Variants in BBX observed in about 807,000 individuals in gnomAD.
BBX encodes BBX high mobility group box domain containing.
Under a neutral mutation model 100.2 loss-of-function variants are expected in BBX, and 30 were observed. That is an observed-to-expected ratio of 0.30 (90% CI 0.22 to 0.41). The LOEUF is 0.41. Ranked by LOEUF, BBX falls within the 10% of genes least tolerant of loss-of-function variation. The probability of loss-of-function intolerance (pLI) is 1.00; values close to 1 mark genes in which losing one functional copy is unlikely to be tolerated. For synonymous variants in BBX, 376 were observed against 388.1 expected, an observed-to-expected ratio of 0.97 and a Z score of 0.37; for missense variants, 1,023 against 1,129.8, an observed-to-expected ratio of 0.91 and a Z score of 1.35.
intron 5 of BBX, among the ~76,000 whole-genome samples, chr3:107,723,320 T>A (rs1013127453): frequency 1.3e-5 from 2 of 152,084 alleles, no homozygotes; most frequent in African/African-American, 4.8e-5. Context: ...CTATCTTTTA[T>A]TAAAATTAAA....
At chr3:107,595,642 G>C (rs1031506067) in intron 2 of BBX, among the ~76,000 whole-genome samples, 1 of 152,182 alleles carries the variant, frequency 6.6e-6, no homozygotes, top group Non-Finnish European at 1.5e-5. Context: ...CCTCCTTTCT[G>C]TGACTCTTGT....
Position 107,716,716 on chromosome 3 carries a change from GC to G in BBX, c.273del (p.Cys91Ter). 6.2e-7 allele frequency: 1 copy of G among 1,613,776 alleles called. No individual in the cohort carries two copies. The highest frequency in any genetic ancestry group is 8.5e-7 in the Non-Finnish European group (1 of 1,179,792). ...RRPMNAFLLF[C>X]KRHRSLVRQE... ...CCAATGAATGCATTTCTTTTATTTT[GC>G]AAACGCCATCGCTCTCTTGTACGTC... On this transcript the variant is annotated frameshift_variant, in exon 5 of 18. Transcript: ENST00000325805. LOFTEE classifies it high-confidence loss of function.
chr3:107,569,908 T>C (rs1363687659), intron 2 of BBX, among the ~76,000 whole-genome samples: 1 of 152,202 alleles, frequency 6.6e-6, no homozygotes, highest in African/African-American at 2.4e-5. Flanking sequence ...TCTTCAGCTA[T>C]TAAGCTGAGA....
intron 3 of BBX, chr3:107,684,522 C>T (rs1039777387): frequency 1.3e-5 from 2 of 152,130 alleles, no homozygotes; most frequent in Non-Finnish European, 1.5e-5. Flanking sequence ...GATGCTGTTG[C>T]TATGGTAAGT....
intron 3 of BBX, chr3:107,684,569 A>G (rs2059738349): frequency 6.6e-6 from 1 of 152,182 alleles, no homozygotes; most frequent in South Asian, 2.1e-4. Flanking sequence ...TATCCAAGGA[A>G]GCAGCAGTGG....
intron 3 of BBX, among the ~76,000 whole-genome samples, chr3:107,702,050 G>A (rs1039193854): frequency 5.3e-5 from 8 of 152,168 alleles, no homozygotes; most frequent in Non-Finnish European, 7.4e-5. Flanking sequence ...TAAAAGTAAA[G>A]AACAAGTGAT....
rs542581421 is a variant in BBX, at chr3:107,713,823, C to T, written c.163-2784C>T. Among the ~76,000 whole-genome samples, 154 of 152,102 alleles carry T rather than the reference C, an allele frequency of 1.0e-3. 1 individual carries two copies. The highest frequency in any genetic ancestry group is 3.5e-3 in the African/African-American group (147 of 41,500). On this transcript the variant is annotated intron_variant, in intron 4 of 17. Transcript: ENST00000325805. ...GTTCTCTTTTACATACCAGTGTTGT[C>T]GAACTGCAAGTTAATGTTCAGATAA...
intron 2 of BBX, among the ~76,000 whole-genome samples, chr3:107,617,814 A>G (rs1052385728): frequency 2.6e-5 from 4 of 151,910 alleles, no homozygotes; most frequent in Admixed American, 2.0e-4. Flanking sequence ...TTTTCTGTAT[A>G]GATTATCATG....
In BBX at chr3:107,806,943, G is replaced by A. The variant is rs1025938731; in HGVS notation, c.*1486G>A. On this transcript the variant is annotated 3_prime_UTR_variant, in exon 18 of 18. Transcript: ENST00000325805. ...GGCGGAATTTTGACAGTGCTAGTTC[G>A]AGTTTGAAGCTTTTGAATTAGATCT... 6 of 152,104 alleles carry A rather than the reference G, an allele frequency of 3.9e-5. No homozygotes were observed. Among genetic ancestry groups the A allele is most frequent in the African/African-American group, 1.4e-4 (6 of 41,400 alleles). The allele number at this position is 152,104 out of a possible 1,614,324, so 9.4% of individuals were successfully genotyped here.
rs779026894 is a variant in BBX at position 107,789,178 on chromosome 3, G to GA, written c.2204-597dup. Among the ~76,000 whole-genome samples, 439 of 144,284 alleles carry GA rather than the reference G, an allele frequency of 3.0e-3. 4 individuals carry two copies. Among genetic ancestry groups the GA allele is most frequent in the Middle Eastern group, 0.028 (8 of 284 alleles). The allele number at this position is 144,284 out of a possible 152,430, so 94.7% of individuals were successfully genotyped here. On this transcript the variant is annotated intron_variant, in intron 13 of 17. Coordinates refer to ENST00000325805, the MANE Select transcript of BBX (RefSeq NM_001142568.3). ...TTGCTGGTATTTCTGATTGTTCACT[G>GA]AAAAAAAAAAAATCTCAATTTTGTT...
intron 2 of BBX, among the ~76,000 whole-genome samples, chr3:107,622,531 CCCCACCTGTAAG>C: frequency 6.6e-6 from 1 of 152,254 alleles, no homozygotes; most frequent in South Asian, 2.1e-4. Context: ...CCATTTTGTA[CCCCACCTGTAAG>C]CCCTTTATCT....
At chr3:107,532,856 C>T (rs950389261) in intron 2 of BBX, among the ~76,000 whole-genome samples, 20 of 152,124 alleles carry the variant, frequency 1.3e-4, no homozygotes, top group African/African-American at 3.1e-4. Flanking sequence ...ATTTGCCATA[C>T]GTTTTTGATC....
intron 2 of BBX, among the ~76,000 whole-genome samples, chr3:107,585,042 A>G (rs2052727964): frequency 6.6e-6 from 1 of 152,100 alleles, no homozygotes; most frequent in Non-Finnish European, 1.5e-5. Context: ...TATAAGAACA[A>G]AGCTTGGAGA....
intron 5 of BBX, among the ~76,000 whole-genome samples, chr3:107,727,467 TTTAA>T (rs1297183922): frequency 6.6e-6 from 1 of 152,174 alleles, no homozygotes; most frequent in Non-Finnish European, 1.5e-5. Context: ...TGTGTCCAAC[TTTAA>T]TTATTTTTGT....
intron 1 of BBX, among the ~76,000 whole-genome samples, chr3:107,524,796 T>C (rs1426008269): frequency 3.7e-4 from 1 of 2,670 alleles, no homozygotes. Context: ...CGAGGTGGGG[T>C]GGAGGTGGGG....
intron 10 of BBX, among the ~76,000 whole-genome samples, chr3:107,764,004 G>A (rs960339586): frequency 3.3e-5 from 5 of 152,224 alleles, no homozygotes; most frequent in South Asian, 2.1e-4. Context: ...TGCTGTTGCC[G>A]TTTTTTGAGA....
At chr3:107,799,204 G>C (rs1168943549) in intron 16 of BBX, among the ~76,000 whole-genome samples, 1 of 151,944 alleles carries the variant, frequency 6.6e-6, no homozygotes, top group Non-Finnish European at 1.5e-5. Context: ...TTTTAAGAAA[G>C]TTTACGAATT....
At chr3:107,708,673 C>CA (rs34223415) in intron 3 of BBX, among the ~76,000 whole-genome samples, 52,393 of 106,956 alleles carry the variant, frequency 0.49, 11,141 homozygotes, top group East Asian at 0.93. Context: ...GACTCCGTCT[C>CA]AAAAAAAAAA....
chr3:107,650,865 A>C lies in BBX; in HGVS notation c.-10+4956A>C, dbSNP rs575071115. On this transcript the variant is annotated intron_variant, in intron 3 of 17. Coordinates refer to ENST00000325805, the MANE Select transcript of BBX (RefSeq NM_001142568.3). ...ATTTATTTTAAGTTGAAAGTTCTGG[A>C]GGCTAGAAGTCAGTGATTAAGATGC... 6.6e-5 allele frequency among the ~76,000 whole-genome samples: 10 copies of C among 152,336 alleles called. No homozygotes were observed. In the South Asian group the frequency reaches 2.1e-3, roughly 32 times the overall value.
Sources: gnomAD v4.1 joint callset for allele counts (sites outside exome capture counted in the v4.1 genomes callset) on GRCh38, gnomAD v4.1.1 for gene constraint, MANE v1.5 for transcripts, NCBI Gene and HGNC (gene_info 2026-07-23, HGNC 2026-07-21) for gene names.